The following MAT1A variants were observed in gnomAD, a reference collection of about 807,000 sequenced individuals.
MAT1A encodes methionine adenosyltransferase 1A.
A neutral mutation model predicts 44.0 loss-of-function variants in MAT1A; 19 were observed. That is an observed-to-expected ratio of 0.43 (90% confidence interval 0.30 to 0.63). MAT1A has a LOEUF of 0.63. MAT1A is among the 30% of genes least tolerant of loss of function. The pLI is 0.12. For missense variants in MAT1A, 397 were observed against 531.0 expected (o/e 0.75, Z 2.48); for synonymous variants, 205 against 205.6 (o/e 1.00, Z 0.03).
At chr10:80,276,623 T>C in intron 5 of MAT1A, 29 bp from the exon 6 acceptor site, 8 of 1,601,598 alleles carry the variant, frequency 5.0e-6, no homozygotes, top group Non-Finnish European at 5.9e-6. Context: ...GGGGAGATAC[T>C]GTGAGGCTGA....
intron 5 of MAT1A, among the ~76,000 whole-genome samples, chr10:80,278,549 T>C (rs1447318454): frequency 1.3e-5 from 2 of 152,210 alleles, no homozygotes; most frequent in Non-Finnish European, 2.9e-5. Context: ...TCTACATGTT[T>C]TAGCTCTCCT....
intron 7 of MAT1A, 46 bp from the exon 8 acceptor site, chr10:80,274,699 C>T (rs1373544024): frequency 8.1e-6 from 13 of 1,612,844 alleles, no homozygotes; most frequent in South Asian, 1.1e-5. Context: ...CTGTGTGGGC[C>T]CTGCCCCTTT....
In MAT1A at chr10:80,289,508, T is replaced by TTCC; in HGVS notation, c.-86_-85insGGA. ...CCTGAGTTTTTTTTTCTTCTTCTTCTTCTTCTTTCAACCCAACAGGCTTGT... is the reference window on the plus strand; with the variant it reads ...CCTGAGTTTTTTTTTCTTCTTCTTCTTCCTCTTCTTTCAACCCAACAGGCTTGT... On this transcript the variant is annotated 5_prime_UTR_variant, in exon 1 of 9. Coordinates refer to ENST00000372213, the MANE Select transcript of MAT1A (RefSeq NM_000429.3). The TTCC allele has an allele frequency of 9.6e-7, 1 of 1,045,752 alleles. No individual in the cohort carries two copies. Among genetic ancestry groups the TTCC allele is most frequent in the Non-Finnish European group, 1.5e-6 (1 of 668,334 alleles). The allele number at this position is 1,045,752 out of a possible 1,614,324, so 64.8% of individuals were successfully genotyped here.
Position 80,289,529 on chromosome 10 carries a change from C to T in MAT1A, c.-106G>A, listed in dbSNP as rs930162640. 4.7e-6 allele frequency: 4 copies of T among 859,202 alleles called. No homozygotes were observed. Among genetic ancestry groups the T allele is most frequent in the Non-Finnish European group, 7.8e-6 (4 of 514,254 alleles). 53.2% of individuals were successfully genotyped at this position (859,202 alleles called of 1,614,324 possible). A position where few individuals can be genotyped will look rare whatever the true frequency, so the allele number is the denominator to read the frequency against. Reference sequence around the variant, plus strand: ...CTTCTTCTTCTTTCAACCCAACAGGCTTGTCTTTGGCAGAGCCACGGGGAT... The same window carrying T: ...CTTCTTCTTCTTTCAACCCAACAGGTTTGTCTTTGGCAGAGCCACGGGGAT... On this transcript the variant is annotated 5_prime_UTR_variant, in exon 1 of 9. Coordinates refer to ENST00000372213, the MANE Select transcript of MAT1A (RefSeq NM_000429.3).
At chr10:80,277,934 A>G (rs899447700) in intron 5 of MAT1A, among the ~76,000 whole-genome samples, 4 of 152,260 alleles carry the variant, frequency 2.6e-5, no homozygotes, top group Admixed American at 1.3e-4. Context: ...GGATTTGTTC[A>G]GGTGGAAAGA....
Position 80,289,474 on chromosome 10 carries a change from G to C in MAT1A, c.-51C>G. 2 of 1,438,278 alleles carry C rather than the reference G, an allele frequency of 1.4e-6. No homozygotes were observed. Among genetic ancestry groups the C allele is most frequent in the Non-Finnish European group, 1.9e-6 (2 of 1,025,938 alleles). The allele number at this position is 1,438,278 out of a possible 1,614,324, so 89.1% of individuals were successfully genotyped here. ...TCTTTCAGTGAACAATTTTGAGGCT[G>C]TGACTTTGCCTGAGTTTTTTTTTCT... On this transcript the variant is annotated 5_prime_UTR_variant, in exon 1 of 9. Transcript: ENST00000372213.
At chr10:80,275,910 C>T (rs1005410790) in intron 6 of MAT1A, among the ~76,000 whole-genome samples, 3 of 152,210 alleles carry the variant, frequency 2.0e-5, no homozygotes, top group Non-Finnish European at 1.5e-5. Context: ...ACTTGCAGTA[C>T]AAGAGAGGGG....
Position 80,273,355 on chromosome 10 carries a change from T to C in MAT1A, c.*426A>G. ...ACCCTGGCTCAGGGCACTGGCTGCC[T>C]GTGAAAGGGGGGTCCAGGAGCCCAG... On this transcript the variant is annotated 3_prime_UTR_variant, in exon 9 of 9. Coordinates refer to ENST00000372213, the MANE Select transcript of MAT1A (RefSeq NM_000429.3). 1 of 263,082 alleles carries C rather than the reference T, an allele frequency of 3.8e-6. No homozygotes were observed. The highest frequency in any genetic ancestry group is 4.6e-5 in the South Asian group (1 of 21,722). 16.3% of individuals were successfully genotyped at this position (263,082 alleles called of 1,614,324 possible). A position where few individuals can be genotyped will look rare whatever the true frequency, so the allele number is the denominator to read the frequency against.
rs1795118108 is a variant in MAT1A, at chr10:80,273,811, T to C, written c.1158A>G (p.Pro386=). The change falls in exon 9 of 9, where the codon CCA becomes CCG. Residue 386 remains proline, a synonymous_variant. Coordinates refer to ENST00000372213, the MANE Select transcript of MAT1A (RefSeq NM_000429.3). The part of the protein sequence containing the change: ...CYGHFGRSEF[P]WEVPRKLVF ...ATACAAGCTTCCTGGGAACCTCCCATGGGAACTCGCTTCTTCCGAAATGGC... is the reference window on the plus strand; with the variant it reads ...ATACAAGCTTCCTGGGAACCTCCCACGGGAACTCGCTTCTTCCGAAATGGC... The C allele has an allele frequency of 6.2e-7, 1 of 1,613,456 alleles. No homozygotes were observed. Among genetic ancestry groups the C allele is most frequent in the Non-Finnish European group, 8.5e-7 (1 of 1,179,628 alleles).
In MAT1A at chr10:80,283,920, G is replaced by C. The variant is rs1564647784; in HGVS notation, c.288C>G (p.Ala96=). 1 of 1,614,102 alleles carries C rather than the reference G, an allele frequency of 6.2e-7. No individual in the cohort carries two copies. The highest frequency in any genetic ancestry group is 1.7e-5 in the Admixed American group (1 of 60,034). ...GACCCGGAGGCCTGCCCTCACCCTT[G>C]GCTGAGTCATCGTAGCCGATGTGCT... The part of the protein sequence containing the change: ...TIKHIGYDDS[A]KGFDFKTCNV... The change falls in exon 3 of 9, where the codon GCC becomes GCG. Residue 96 remains alanine, a synonymous_variant. Transcript: ENST00000372213.
rs143668040 is a variant in MAT1A at position 80,273,379 on chromosome 10, A to T, written c.*402T>A. On this transcript the variant is annotated 3_prime_UTR_variant, in exon 9 of 9. Transcript: ENST00000372213. ...CTGTGAAAGGGGGGTCCAGGAGCCC[A>T]GGCCCACAAGGAGCCCTGAGGCCTG... 516 of 277,074 alleles carry T rather than the reference A, an allele frequency of 1.9e-3. 4 individuals carry two copies. Among genetic ancestry groups the T allele is most frequent in the African/African-American group, 0.011 (490 of 45,360 alleles). The allele number at this position is 277,074 out of a possible 1,614,324, so 17.2% of individuals were successfully genotyped here.
chr10:80,276,443 T>C lies in MAT1A; in HGVS notation c.701A>G (p.Lys234Arg). Residue 234 changes from lysine to arginine, a missense_variant, in exon 6 of 9, where the codon AAG becomes AGG. By Grantham distance (26) the Lys-to-Arg change is conservative. Transcript: ENST00000372213. ...EQVIRAVVPAKYLDEDTVYHL... is the reference protein window; with the variant it reads ...EQVIRAVVPARYLDEDTVYHL... ...GTAGACGGTGTCTTCGTCCAGGTACTTGGCCGGCACCACGGCCCTGATGAC... is the reference window on the plus strand; with the variant it reads ...GTAGACGGTGTCTTCGTCCAGGTACCTGGCCGGCACCACGGCCCTGATGAC... The C allele has an allele frequency of 6.2e-7, 1 of 1,614,180 alleles. No individual in the cohort carries two copies. The highest frequency in any genetic ancestry group is 8.5e-7 in the Non-Finnish European group (1 of 1,180,040).
intron 1 of MAT1A, among the ~76,000 whole-genome samples, chr10:80,287,446 C>A (rs183125973): frequency 6.6e-6 from 1 of 152,274 alleles, no homozygotes; most frequent in East Asian, 1.9e-4. Context: ...GTCACCTAGC[C>A]TCCATGGAAA....
At chr10:80,278,091 C>T (rs1450759996) in intron 5 of MAT1A, among the ~76,000 whole-genome samples, 1 of 152,214 alleles carries the variant, frequency 6.6e-6, no homozygotes, top group Non-Finnish European at 1.5e-5. Context: ...TGTTCGCAGG[C>T]CAGCTGGCGA....
At chr10:80,285,789 G>T (rs770168461) in intron 1 of MAT1A, among the ~76,000 whole-genome samples, 200 bp from the exon 2 acceptor site, 1 of 151,240 alleles carries the variant, frequency 6.6e-6, no homozygotes, top group Non-Finnish European at 1.5e-5. Context: ...TGGATGACAC[G>T]TATTATATAA....
At chr10:80,284,818 G>A (rs935298639) in intron 2 of MAT1A, among the ~76,000 whole-genome samples, 1 of 152,164 alleles carries the variant, frequency 6.6e-6, no homozygotes, top group Non-Finnish European at 1.5e-5. Context: ...CCAGGCAAAG[G>A]TTTTCCTGCC....
chr10:80,280,641 C>T (rs748326110), intron 4 of MAT1A, 39 bp downstream of exon 4: 9 of 1,543,268 alleles, frequency 5.8e-6, no homozygotes, highest in Non-Finnish European at 8.1e-6. Flanking sequence ...CTTTCCCAGC[C>T]AGCTCAACAC....
chr10:80,276,904 C>T (rs1841495792), intron 5 of MAT1A, among the ~76,000 whole-genome samples: 1 of 152,232 alleles, frequency 6.6e-6, no homozygotes, highest in African/African-American at 2.4e-5. Flanking sequence ...TCAGAGGCTT[C>T]CAGGTGCCAG....
chr10:80,281,548 T>A (rs1187157295), intron 3 of MAT1A, among the ~76,000 whole-genome samples: 1 of 151,016 alleles, frequency 6.6e-6, no homozygotes, highest in Non-Finnish European at 1.5e-5. Context: ...TGTGCTGGGC[T>A]CAGTCACAGG....
Sources: gnomAD v4.1 joint callset for allele counts (sites outside exome capture counted in the v4.1 genomes callset) on GRCh38, gnomAD v4.1.1 for gene constraint, MANE v1.5 for transcripts, NCBI Gene and HGNC (gene_info 2026-07-23, HGNC 2026-07-21) for gene names.